RBM47: variants seen among roughly 807,000 people sequenced by gnomAD.
RBM47 encodes RNA-binding protein 47.
A neutral mutation model predicts 47.1 loss-of-function variants in RBM47; 21 were observed. That is an observed-to-expected ratio of 0.45 (90% confidence interval 0.32 to 0.64). The LOEUF (loss-of-function observed/expected upper bound fraction) is 0.64, where lower values mean the gene tolerates loss of function less well. RBM47 is among the 30% of genes least tolerant of loss of function. RBM47 has a pLI of 0.05. For missense variants in RBM47, 708 were observed against 870.9 expected (o/e 0.81, Z 2.35); for synonymous variants, 375 against 361.7 (o/e 1.04, Z -0.42).
At chr4:40,458,244 G>T (rs1338740123) in intron 3 of RBM47, among the ~76,000 whole-genome samples, 2 of 152,176 alleles carry the variant, frequency 1.3e-5, no homozygotes, top group African/African-American at 4.8e-5. Context: ...TGCCTGTCCT[G>T]AAACAAAGGC....
At chr4:40,509,289 T>C (rs1394260538) in intron 2 of RBM47, among the ~76,000 whole-genome samples, 1 of 152,208 alleles carries the variant, frequency 6.6e-6, no homozygotes, top group Non-Finnish European at 1.5e-5. Context: ...ATCACTTGTA[T>C]AGGATATTTT....
chr4:40,574,804 CACACAACTGCACTCTAGCCTGGGCAACAG>C (rs1246956614), intron 1 of RBM47, among the ~76,000 whole-genome samples: 1 of 152,252 alleles, frequency 6.6e-6, no homozygotes, highest in Admixed American at 6.5e-5. Flanking sequence ...GAGCCAAGAT[CACACAACTGCACTCTAGCCTGGGCAACAG>C]AGTGAGACTC....
intron 1 of RBM47, among the ~76,000 whole-genome samples, chr4:40,556,255 C>A (rs1466572639): frequency 6.6e-6 from 1 of 151,928 alleles, no homozygotes; most frequent in Non-Finnish European, 1.5e-5. Flanking sequence ...AGACTGTTCT[C>A]CATCTCCTGA....
At chr4:40,530,879 C>T (rs1161528479) in intron 2 of RBM47, among the ~76,000 whole-genome samples, 1 of 152,084 alleles carries the variant, frequency 6.6e-6, no homozygotes, top group Non-Finnish European at 1.5e-5. Context: ...GTGGGAGGAT[C>T]CTTGGAGCCC....
intron 2 of RBM47, among the ~76,000 whole-genome samples, chr4:40,488,221 C>T (rs1721384387): frequency 6.6e-6 from 1 of 151,308 alleles, no homozygotes; most frequent in African/African-American, 2.4e-5. Context: ...GGCTGAGGCA[C>T]AAGAATCACT....
intron 1 of RBM47, among the ~76,000 whole-genome samples, chr4:40,597,322 G>T (rs1734847595): frequency 6.6e-6 from 1 of 151,802 alleles, no homozygotes; most frequent in Admixed American, 6.6e-5. Context: ...TAGGCTGAGG[G>T]CAGTGGCTCA....
In RBM47 at chr4:40,425,994, G is replaced by T; in HGVS notation, c.1692C>A (p.Ala564=). The change falls in exon 7 of 7, where the codon GCC becomes GCA. Residue 564 remains alanine (A), a synonymous_variant. Transcript: ENST00000295971. ...TLQKNAAAAA[A]MYGGYAGYIP... ...TGTAGCCTGCGTATCCTCCATACAT[G>T]GCGGCCGCGGCTGCCGCGTTCTTCT... 6 of 1,613,780 alleles carry T rather than the reference G, an allele frequency of 3.7e-6. No individual in the cohort carries two copies. Among genetic ancestry groups the T allele is most frequent in the Non-Finnish European group, 5.1e-6 (6 of 1,179,686 alleles).
chr4:40,438,806 G>T lies in RBM47; in HGVS notation c.88C>A (p.Pro30Thr). The T allele has an allele frequency of 6.5e-7, 1 of 1,546,238 alleles. No individual in the cohort carries two copies. The highest frequency in any genetic ancestry group is 8.7e-7 in the Non-Finnish European group (1 of 1,151,066). ...AKVPEGVAGAPNEAALLALME... is the reference protein window; with the variant it reads ...AKVPEGVAGATNEAALLALME... Reference sequence around the variant, plus strand: ...AGCGCCAGCAGTGCTGCCTCGTTGGGCGCGCCCGCCACGCCCTCGGGCACC... The same window carrying T: ...AGCGCCAGCAGTGCTGCCTCGTTGGTCGCGCCCGCCACGCCCTCGGGCACC... The change falls in exon 4 of 7, where the codon CCC (proline) becomes ACC (threonine). Residue 30 changes from proline (P) to threonine (T), a missense_variant. Coordinates refer to ENST00000295971, the MANE Select transcript of RBM47 (RefSeq NM_001098634.2).
At chr4:40,572,283 T>A (rs1025596647) in intron 1 of RBM47, among the ~76,000 whole-genome samples, 9 of 151,066 alleles carry the variant, frequency 6.0e-5, no homozygotes, top group Non-Finnish European at 1.3e-4. Flanking sequence ...CTAGGGAGAC[T>A]GAGGTAGGAG....
intron 3 of RBM47, among the ~76,000 whole-genome samples, chr4:40,465,331 G>A (rs945458531): frequency 6.6e-6 from 1 of 151,916 alleles, no homozygotes; most frequent in Non-Finnish European, 1.5e-5. Context: ...CAAGATTATC[G>A]TCCATAGAAT....
At chr4:40,535,240 A>T (rs1411060732) in intron 2 of RBM47, among the ~76,000 whole-genome samples, 2 of 152,080 alleles carry the variant, frequency 1.3e-5, no homozygotes, top group Non-Finnish European at 1.5e-5. Flanking sequence ...TACAACTCCA[A>T]TATTTTAAGA....
chr4:40,550,405 T>C lies in RBM47; in HGVS notation c.-239-5899A>G, dbSNP rs560512375. ...ATGTGTTAAAAGTCACCACTGAAAATGTGGGAAGTTTATCATACGTAATTT... is the reference window on the plus strand; with the variant it reads ...ATGTGTTAAAAGTCACCACTGAAAACGTGGGAAGTTTATCATACGTAATTT... On this transcript the variant is annotated intron_variant, in intron 1 of 6. Coordinates refer to ENST00000295971, the MANE Select transcript of RBM47 (RefSeq NM_001098634.2). Among the ~76,000 whole-genome samples the C allele has an allele frequency of 6.6e-5, 10 of 152,034 alleles. No individual in the cohort carries two copies. In the South Asian group the frequency reaches 1.9e-3, roughly 28 times the overall value.
intron 2 of RBM47, among the ~76,000 whole-genome samples, chr4:40,495,553 G>T (rs910156081): frequency 4.0e-5 from 6 of 151,686 alleles, no homozygotes; most frequent in Admixed American, 3.3e-4. Flanking sequence ...AGCGAGCCAA[G>T]ATCACACCAC....
At chr4:40,426,943 T>C (rs1176156517) in intron 6 of RBM47, 1 of 152,118 alleles carries the variant, frequency 6.6e-6, no homozygotes, top group Non-Finnish European at 1.5e-5. Context: ...ACACAATTGA[T>C]TTCACAGTAA....
rs1203145249 is a variant in RBM47 at position 40,426,070 on chromosome 4, G to T, written c.1616C>A (p.Ala539Asp). ...QRIPTAGIYG[A>D]SYVPFAAPAT... ...TGGAGCAGCAAATGGCACGTAACTGGCCCCGTAGATCCCGGCAGTAGGAAT... is the reference window on the plus strand; with the variant it reads ...TGGAGCAGCAAATGGCACGTAACTGTCCCCGTAGATCCCGGCAGTAGGAAT... Residue 539 changes from alanine to aspartate, a missense_variant, in exon 7 of 7, where the codon GCC (alanine) becomes GAC (aspartate). Coordinates refer to ENST00000295971, the MANE Select transcript of RBM47 (RefSeq NM_001098634.2). The T allele has an allele frequency of 6.2e-7, 1 of 1,614,092 alleles. No homozygotes were observed. The highest frequency in any genetic ancestry group is 8.5e-7 in the Non-Finnish European group (1 of 1,180,056).
At chr4:40,557,300 G>A (rs58279740) in intron 1 of RBM47, among the ~76,000 whole-genome samples, 14,007 of 152,132 alleles carry the variant, frequency 0.092, 863 homozygotes, top group Non-Finnish European at 0.14. Context: ...AGCAGTCATC[G>A]TGGGTTCTAA....
chr4:40,586,454 G>T (rs1733594646), intron 1 of RBM47, among the ~76,000 whole-genome samples: 1 of 151,752 alleles, frequency 6.6e-6, no homozygotes, highest in South Asian at 2.1e-4. Context: ...GCATGTTGGA[G>T]GGTGCTCCTG....
Position 40,425,955 on chromosome 4 carries a change from G to A in RBM47, c.1731C>T (p.Phe577=). 6.2e-7 allele frequency: 1 copy of A among 1,614,214 alleles called. No homozygotes were observed. The highest frequency in any genetic ancestry group is 8.5e-7 in the Non-Finnish European group (1 of 1,180,030). Residue 577 remains phenylalanine (F), a synonymous_variant, in exon 7 of 7, where the codon TTC becomes TTT. Transcript: ENST00000295971. The stretch of plus-strand genomic sequence containing the variant: ...TGGGGACCTGAATGGCAGCAGCAGG[G>A]AAGGCCTGAGGTATGTAGCCTGCGT... ...GGYAGYIPQA[F]PAAAIQVPIP...
At chr4:40,565,671 C>G (rs773376034) in intron 1 of RBM47, among the ~76,000 whole-genome samples, 5 of 152,186 alleles carry the variant, frequency 3.3e-5, no homozygotes, top group African/African-American at 7.2e-5. Context: ...GCCTTAGTTT[C>G]TCAGTCAATG....
Sources: allele counts gnomAD v4.1 joint callset (sites outside exome capture counted in the v4.1 genomes callset), GRCh38; gene constraint gnomAD v4.1.1; transcripts MANE v1.5; gene names NCBI Gene and HGNC (gene_info 2026-07-23, HGNC 2026-07-21).